The following FBXL17 variants were observed in gnomAD, a reference collection of about 807,000 sequenced individuals.
FBXL17 encodes F-box/LRR-repeat protein 17.
FBXL17 carries 22 observed loss-of-function variants against 66.2 expected under a neutral mutation model. The observed-to-expected ratio is 0.33, with a 90% CI of 0.24 to 0.47. The LOEUF (loss-of-function observed/expected upper bound fraction) is 0.47, where lower values mean the gene tolerates loss of function less well. Ranked by LOEUF, FBXL17 falls within the 20% of genes least tolerant of loss-of-function variation. The probability of loss-of-function intolerance (pLI) is 1.00; values close to 1 mark genes in which losing one functional copy is unlikely to be tolerated. For synonymous variants in FBXL17, 474 were observed against 400.5 expected (o/e 1.18, Z -2.19); for missense variants, 878 against 948.2 (o/e 0.93, Z 0.97).
intron 7 of FBXL17, among the ~76,000 whole-genome samples, chr5:107,941,951 G>A (rs1405381235): frequency 6.6e-6 from 1 of 152,124 alleles, no homozygotes; most frequent in Non-Finnish European, 1.5e-5. Flanking sequence ...CTGGCACTTG[G>A]CCTGTGGAGA....
chr5:107,960,031 T>G (rs1247602646), intron 7 of FBXL17, among the ~76,000 whole-genome samples: 1 of 152,152 alleles, frequency 6.6e-6, no homozygotes, highest in African/African-American at 2.4e-5. Context: ...AAACTGATAT[T>G]CAGATTAATC....
intron 4 of FBXL17, chr5:108,298,877 TA>T: frequency 9.7e-6 from 9 of 929,638 alleles, no homozygotes; most frequent in Non-Finnish European, 1.2e-5. Context: ...TTGCAGTTTT[TA>T]AAATGAGCCT....
At chr5:107,991,896 A>T (rs1753265205) in intron 7 of FBXL17, among the ~76,000 whole-genome samples, 1 of 152,232 alleles carries the variant, frequency 6.6e-6, no homozygotes, top group Non-Finnish European at 1.5e-5. Context: ...AAAAATATGT[A>T]AGCATATCAT....
At chr5:108,172,178 C>T (rs1210589377) in intron 6 of FBXL17, among the ~76,000 whole-genome samples, 1 of 152,198 alleles carries the variant, frequency 6.6e-6, no homozygotes, top group Non-Finnish European at 1.5e-5. Context: ...GTTTAGACTT[C>T]CATCTTCATG....
intron 7 of FBXL17, among the ~76,000 whole-genome samples, chr5:107,893,793 T>C (rs1034181550): frequency 1.3e-5 from 2 of 152,206 alleles, no homozygotes; most frequent in Non-Finnish European, 2.9e-5. Flanking sequence ...CCACCATTGA[T>C]TGCGACATAA....
At chr5:107,879,447 C>T (rs2112498539) in intron 8 of FBXL17, 3 of 985,418 alleles carry the variant, frequency 3.0e-6, no homozygotes, top group South Asian at 4.7e-5. Flanking sequence ...GTGGGAGACT[C>T]GCAAGCCCCG....
At chr5:108,056,058 T>A (rs1224110708) in intron 6 of FBXL17, among the ~76,000 whole-genome samples, 1 of 152,142 alleles carries the variant, frequency 6.6e-6, no homozygotes, top group Non-Finnish European at 1.5e-5. Flanking sequence ...TTTATATATA[T>A]CATAGCATTT....
At chr5:108,170,573 G>A (rs60676277) in intron 6 of FBXL17, among the ~76,000 whole-genome samples, 2,582 of 151,914 alleles carry the variant, frequency 0.017, 62 homozygotes, top group African/African-American at 0.058. Context: ...TCACTCTGTC[G>A]TCCAGGCTGG....
At chr5:108,298,038 C>G in intron 4 of FBXL17, 1 of 984,544 alleles carries the variant, frequency 1.0e-6, no homozygotes, top group Non-Finnish European at 1.2e-6. Flanking sequence ...TACTTCTGAA[C>G]AGAATGATGA....
At chr5:108,159,032 T>C (rs1752106086) in intron 6 of FBXL17, among the ~76,000 whole-genome samples, 1 of 152,156 alleles carries the variant, frequency 6.6e-6, no homozygotes, top group South Asian at 2.1e-4. Flanking sequence ...AATATAAATG[T>C]TTCTGACAAG....
At chr5:108,258,927 G>A (rs920579777) in intron 4 of FBXL17, among the ~76,000 whole-genome samples, 1 of 151,906 alleles carries the variant, frequency 6.6e-6, no homozygotes, top group African/African-American at 2.4e-5. Flanking sequence ...AATAGATAAA[G>A]CTAGACATAA....
intron 4 of FBXL17, among the ~76,000 whole-genome samples, chr5:108,229,629 G>A (rs1307169040): frequency 3.9e-5 from 6 of 152,036 alleles, no homozygotes; most frequent in African/African-American, 7.2e-5. Flanking sequence ...AGATAACATC[G>A]GAAAAACCCT....
chr5:107,880,159 T>C, intron 8 of FBXL17: 1 of 200,800 alleles, frequency 5.0e-6, no homozygotes, highest in Non-Finnish European at 8.9e-6. Flanking sequence ...CCTCGGCCTC[T>C]TGAGCTCAGG....
chr5:107,970,758 T>C (rs1277250304), intron 7 of FBXL17, among the ~76,000 whole-genome samples: 1 of 152,046 alleles, frequency 6.6e-6, no homozygotes, highest in Non-Finnish European at 1.5e-5. Flanking sequence ...TCCCCAAGGA[T>C]TGCTGTAGGT....
chr5:107,859,327 A>G lies in FBXL17; in HGVS notation c.*2393T>C, dbSNP rs1257109802. ...ATTATTTTAAGCCTCATTTCAAAGC[A>G]TCTAATGAGAACACATTCAACAACC... On this transcript the variant is annotated 3_prime_UTR_variant, in exon 9 of 9. Transcript: ENST00000542267. The G allele has an allele frequency of 6.6e-6, 1 of 150,984 alleles. No homozygotes were observed. The highest frequency in any genetic ancestry group is 1.5e-5 in the Non-Finnish European group (1 of 67,880). The allele number at this position is 150,984 out of a possible 1,614,324, so 9.4% of individuals were successfully genotyped here. A position where few individuals can be genotyped will look rare whatever the true frequency, so the allele number is the denominator to read the frequency against.
intron 4 of FBXL17, among the ~76,000 whole-genome samples, chr5:108,246,959 T>C (rs1756127461): frequency 2.0e-5 from 3 of 152,184 alleles, no homozygotes; most frequent in African/African-American, 4.8e-5. Flanking sequence ...GAATTCACTA[T>C]ATTCAGAGTA....
chr5:108,140,756 T>A (rs184034231), intron 6 of FBXL17, among the ~76,000 whole-genome samples: 17 of 152,018 alleles, frequency 1.1e-4, no homozygotes, highest in Admixed American at 9.8e-4. Context: ...CTCAAGGATA[T>A]CCCCCAAAAT....
intron 4 of FBXL17, among the ~76,000 whole-genome samples, chr5:108,294,577 G>A (rs1326341846): frequency 6.6e-6 from 1 of 151,780 alleles, no homozygotes; most frequent in Admixed American, 6.6e-5. Context: ...ACAATGCCAA[G>A]CAAAGAATAA....
intron 5 of FBXL17, among the ~76,000 whole-genome samples, chr5:108,210,572 A>C (rs1043704456): frequency 1.3e-5 from 2 of 152,214 alleles, no homozygotes; most frequent in African/African-American, 4.8e-5. Context: ...TTATTTACCC[A>C]GTAGTCATTC....
Sources: gnomAD v4.1 joint callset for allele counts (sites outside exome capture counted in the v4.1 genomes callset) on GRCh38, gnomAD v4.1.1 for gene constraint, MANE v1.5 for transcripts, NCBI Gene and HGNC (gene_info 2026-07-23, HGNC 2026-07-21) for gene names.